SETBP1: variants seen among roughly 807,000 people sequenced by gnomAD.
SETBP1 encodes the protein SET binding protein 1.
A neutral mutation model predicts 101.0 loss-of-function variants in SETBP1; 9 were observed. The ratio of observed to expected loss-of-function variants is 0.09; its 90% confidence interval spans 0.05 to 0.16. The LOEUF (loss-of-function observed/expected upper bound fraction) is 0.16, where lower values mean the gene tolerates loss of function less well. Ranked by LOEUF, SETBP1 falls within the 10% of genes least tolerant of loss-of-function variation. The pLI is 1.00. For missense variants in SETBP1, 1,858 were observed against 2,033.8 expected (o/e 0.91, Z 1.66); for synonymous variants, 818 against 788.5 (o/e 1.04, Z -0.63).
At chr18:44,697,628 C>T (rs2069042224) in intron 1 of SETBP1, among the ~76,000 whole-genome samples, 1 of 152,206 alleles carries the variant, frequency 6.6e-6, no homozygotes, top group African/African-American at 2.4e-5. Context: ...TATACAACTA[C>T]AGTTAGGCTC....
At chr18:44,743,225 A>G (rs1388830723) in intron 2 of SETBP1, among the ~76,000 whole-genome samples, 1 of 152,046 alleles carries the variant, frequency 6.6e-6, no homozygotes, top group Non-Finnish European at 1.5e-5. Flanking sequence ...CAAGTGAGGC[A>G]TGGCATATGG....
chr18:44,810,637 G>A (rs998288989), intron 2 of SETBP1, among the ~76,000 whole-genome samples: 12 of 152,114 alleles, frequency 7.9e-5, no homozygotes, highest in African/African-American at 2.9e-4. Flanking sequence ...AATATCTTTT[G>A]TTCCTTATCA....
chr18:44,842,054 A>T (rs2072628758), intron 2 of SETBP1, among the ~76,000 whole-genome samples: 1 of 152,184 alleles, frequency 6.6e-6, no homozygotes, highest in Non-Finnish European at 1.5e-5. Context: ...TTAAGGAGAG[A>T]CTGAGATTTG....
chr18:44,730,487 C>T (rs2069815128), intron 2 of SETBP1, among the ~76,000 whole-genome samples: 1 of 152,180 alleles, frequency 6.6e-6, no homozygotes, highest in African/African-American at 2.4e-5. Context: ...CAGTGAGGAA[C>T]CTCGCTCTTT....
intron 2 of SETBP1, among the ~76,000 whole-genome samples, chr18:44,867,702 C>T (rs1391690816): frequency 1.3e-5 from 2 of 151,938 alleles, no homozygotes; most frequent in African/African-American, 4.8e-5. Flanking sequence ...AGACACCTTC[C>T]ACATGGGGGG....
chr18:44,754,789 C>T (rs2070457712), intron 2 of SETBP1, among the ~76,000 whole-genome samples: 1 of 152,232 alleles, frequency 6.6e-6, no homozygotes, highest in African/African-American at 2.4e-5. Context: ...TGCATCTCAC[C>T]TTCATGCATC....
chr18:44,693,633 T>A (rs1041871036), intron 1 of SETBP1, among the ~76,000 whole-genome samples: 1 of 152,010 alleles, frequency 6.6e-6, no homozygotes, highest in African/African-American at 2.4e-5. Context: ...AATCAACCAC[T>A]CCCAAAGCCA....
chr18:44,994,152 A>G (rs910928580), intron 4 of SETBP1, among the ~76,000 whole-genome samples: 1 of 152,124 alleles, frequency 6.6e-6, no homozygotes, highest in African/African-American at 2.4e-5. Flanking sequence ...TAAAGAAAAG[A>G]CTTTCAACCT....
chr18:44,849,457 A>C (rs62090607), intron 2 of SETBP1, among the ~76,000 whole-genome samples: 12,381 of 152,252 alleles, frequency 0.081, 673 homozygotes, highest in South Asian at 0.15. Flanking sequence ...CGATGTGAAT[A>C]TGCCCTAATG....
chr18:45,036,910 T>G (rs1198629481), intron 4 of SETBP1, among the ~76,000 whole-genome samples: 13 of 152,208 alleles, frequency 8.5e-5, no homozygotes, highest in Admixed American at 8.5e-4. Flanking sequence ...ACCTGGAAAC[T>G]TCCAGCTTTG....
chr18:44,782,584 T>C (rs1272721170), intron 2 of SETBP1, among the ~76,000 whole-genome samples: 1 of 152,132 alleles, frequency 6.6e-6, no homozygotes, highest in African/African-American at 2.4e-5. Flanking sequence ...TTTCCCCCTG[T>C]TGGGACTCCA....
At chr18:45,038,200 G>T (rs954878629) in intron 4 of SETBP1, among the ~76,000 whole-genome samples, 2 of 152,100 alleles carry the variant, frequency 1.3e-5, no homozygotes, top group Non-Finnish European at 2.9e-5. Flanking sequence ...TCCTCAAAAG[G>T]CAAAGGGGCA....
At chr18:44,956,754 GGA>G (rs2071491782) in intron 4 of SETBP1, among the ~76,000 whole-genome samples, 1 of 152,188 alleles carries the variant, frequency 6.6e-6, no homozygotes, top group African/African-American at 2.4e-5. Context: ...TTACCATTAT[GGA>G]GAGAGGAATT....
At chr18:44,820,886 A>C (rs1442345816) in intron 2 of SETBP1, among the ~76,000 whole-genome samples, 1 of 152,248 alleles carries the variant, frequency 6.6e-6, no homozygotes, top group Non-Finnish European at 1.5e-5. Context: ...ATAAAGAGTC[A>C]CAATGACATT....
At chr18:44,946,878 A>G (rs943532156) in intron 3 of SETBP1, among the ~76,000 whole-genome samples, 2 of 152,236 alleles carry the variant, frequency 1.3e-5, no homozygotes, top group Admixed American at 6.5e-5. Flanking sequence ...GCAGTGGCAA[A>G]TACAGGAGGT....
At chr18:44,848,618 A>T (rs1342467011) in intron 2 of SETBP1, among the ~76,000 whole-genome samples, 2 of 152,162 alleles carry the variant, frequency 1.3e-5, no homozygotes, top group African/African-American at 4.8e-5. Context: ...GTACAGAGAA[A>T]TCCCCCAACT....
chr18:45,030,406 G>T (rs561297044), intron 4 of SETBP1, among the ~76,000 whole-genome samples: 11 of 128,022 alleles, frequency 8.6e-5, no homozygotes, highest in South Asian at 2.7e-4. Flanking sequence ...TGCTGGATTC[G>T]GTTTGCCAGT....
At chr18:44,736,341 A>G (rs1034971355) in intron 2 of SETBP1, among the ~76,000 whole-genome samples, 5 of 152,228 alleles carry the variant, frequency 3.3e-5, no homozygotes, top group Non-Finnish European at 7.3e-5. Flanking sequence ...ATTGCATACT[A>G]CTGCACTCTA....
At chr18:44,782,576 T>C (rs969776549) in intron 2 of SETBP1, among the ~76,000 whole-genome samples, 15 of 152,094 alleles carry the variant, frequency 9.9e-5, no homozygotes, top group African/African-American at 2.9e-4. Flanking sequence ...GTGTTGTTTT[T>C]CCCCCTGTTG....
Sources: allele counts gnomAD v4.1 joint callset (sites outside exome capture counted in the v4.1 genomes callset), GRCh38; gene constraint gnomAD v4.1.1; transcripts MANE v1.5; gene names NCBI Gene and HGNC (gene_info 2026-07-23, HGNC 2026-07-21).